SLURP2: variants seen among roughly 807,000 people sequenced by gnomAD.
The protein encoded by SLURP2 is secreted LY6/PLAUR domain containing 2.
SLURP2 carries 4 observed loss-of-function variants against 9.8 expected under a neutral mutation model. The observed-to-expected ratio is 0.41, with a 90% CI of 0.20 to 0.94. The LOEUF (loss-of-function observed/expected upper bound fraction) is 0.94. SLURP2 is among the 40% of genes least tolerant of loss of function. SLURP2 has a pLI of 0.32. For missense variants in SLURP2, 118 were observed against 126.4 expected (o/e 0.93, Z 0.32); for synonymous variants, 58 against 56.2 (o/e 1.03, Z -0.15).
chr8:142,766,932 A>T (rs1815025456), intron 1 of SLURP2, among the ~76,000 whole-genome samples: 1 of 152,188 alleles, frequency 6.6e-6, no homozygotes. Context: ...GCCCAGCCTC[A>T]GGACACAGGA....
At chr8:142,766,849 A>G (rs1413982612) in intron 1 of SLURP2, among the ~76,000 whole-genome samples, 1 of 152,150 alleles carries the variant, frequency 6.6e-6, no homozygotes, top group African/African-American at 2.4e-5. Flanking sequence ...GTGTGGCCAT[A>G]AGGATGTGAG....
chr8:142,768,997 C>T lies in SLURP2; in HGVS notation c.52+758G>A, dbSNP rs761944124. Among the ~76,000 whole-genome samples the T allele has an allele frequency of 2.0e-5, 3 of 151,968 alleles. No individual in the cohort carries two copies. The highest frequency in any genetic ancestry group is 4.4e-5 in the Non-Finnish European group (3 of 67,964). On this transcript the variant is annotated intron_variant, in intron 1 of 2. Transcript: ENST00000317543. The surrounding 1 kb of genome is among the most constrained non-coding windows in gnomAD (Gnocchi z 4.8). ...TGGGCTTGGAGGTGCAGGCCACCGG[C>T]AGATCAAGGGGCCAGCTGGTTTTGT...
chr8:142,769,677 C>A lies in SLURP2; in HGVS notation c.52+78G>T, dbSNP rs1275679685. On this transcript the variant is annotated intron_variant, in intron 1 of 2. Transcript: ENST00000317543. ...GTTCTCCCGAGGTGGGCAGTCACAG[C>A]CCAGGGCTGGAGGGACGGTGGTTGG... The A allele has an allele frequency of 5.8e-6, 8 of 1,378,310 alleles. No homozygotes were observed. In the African/African-American group the frequency reaches 1.0e-4, roughly 17 times the overall value. 85.4% of individuals were successfully genotyped at this position (1,378,310 alleles called of 1,614,324 possible). A position where few individuals can be genotyped will look rare whatever the true frequency, so the allele number is the denominator to read the frequency against.
chr8:142,765,478 GGA>G (rs201423299), intron 1 of SLURP2, among the ~76,000 whole-genome samples: 45,546 of 147,736 alleles, frequency 0.31, 7,081 homozygotes, highest in Non-Finnish European at 0.34. Flanking sequence ...TGGGGGGTGG[GGA>G]GGAGGTGGAG....
chr8:142,768,638 C>A lies in SLURP2; in HGVS notation c.52+1117G>T, dbSNP rs938238916. 6.6e-6 allele frequency among the ~76,000 whole-genome samples: 1 copy of A among 152,136 alleles called. No homozygotes were observed. The highest frequency in any genetic ancestry group is 2.4e-5 in the African/African-American group (1 of 41,422). On this transcript the variant is annotated intron_variant, in intron 1 of 2. Transcript: ENST00000317543. The surrounding 1 kb of genome is among the most constrained non-coding windows in gnomAD (Gnocchi z 4.8). Reference sequence around the variant, plus strand: ...GTGCCATCCCTGGCCTGGATGGCCACCTGACTGCCTGTCCAGTCCTGATGG... The same window carrying A: ...GTGCCATCCCTGGCCTGGATGGCCAACTGACTGCCTGTCCAGTCCTGATGG...
chr8:142,764,829 C>T (rs950956732), intron 2 of SLURP2, 88 bp from the exon 3 acceptor site: 1 of 1,502,710 alleles, frequency 6.7e-7, no homozygotes, highest in Non-Finnish European at 9.2e-7. Context: ...AGCTGAGGGT[C>T]AGACGCCCCA....
chr8:142,769,702 G>A lies in SLURP2; in HGVS notation c.52+53C>T, dbSNP rs376756405. The A allele has an allele frequency of 1.0e-3, 1,565 of 1,534,006 alleles. 22 individuals carry two copies. The South Asian group carries it at 0.016, about 15-fold the overall frequency. On this transcript the variant is annotated intron_variant, in intron 1 of 2. Transcript: ENST00000317543. Reference sequence around the variant, plus strand: ...CCCAGGGCTGGAGGGACGGTGGTTGGGCTAGAGTGATGGGGGCCTTGAGCA... The same window carrying A: ...CCCAGGGCTGGAGGGACGGTGGTTGAGCTAGAGTGATGGGGGCCTTGAGCA...
chr8:142,769,446 A>C (rs1181243154), intron 1 of SLURP2, among the ~76,000 whole-genome samples: 1 of 142,722 alleles, frequency 7.0e-6, no homozygotes, highest in Non-Finnish European at 1.5e-5. Context: ...ACGTGCACGA[A>C]GGTGCGTGTG....
intron 2 of SLURP2, 84 bp from the exon 3 acceptor site, chr8:142,764,825 G>A (rs1814948916): frequency 1.3e-6 from 2 of 1,524,160 alleles, no homozygotes; most frequent in Admixed American, 3.8e-5. Flanking sequence ...ACTGAGCTGA[G>A]GGTCAGACGC....
At position 142,764,362 on chromosome 8, in the gene SLURP2, T is replaced by G; in HGVS notation, c.*243A>C. ...CTTGTACCACACGATCCAATCACAT[T>G]TTATTGTGGGGAGGTCGGGACCTGA... On this transcript the variant is annotated 3_prime_UTR_variant, in exon 3 of 3. Coordinates refer to ENST00000317543, the MANE Select transcript of SLURP2 (RefSeq NM_177458.3). The G allele has an allele frequency of 1.6e-6, 1 of 632,674 alleles. No homozygotes were observed. The highest frequency in any genetic ancestry group is 2.8e-6 in the Non-Finnish European group (1 of 355,178). The allele number at this position is 632,674 out of a possible 1,614,324, so 39.2% of individuals were successfully genotyped here.
At chr8:142,767,501 G>A (rs1470565791) in intron 1 of SLURP2, among the ~76,000 whole-genome samples, 2 of 152,184 alleles carry the variant, frequency 1.3e-5, no homozygotes, top group Non-Finnish European at 2.9e-5. Flanking sequence ...AGGAGGAGGT[G>A]AGGATATGGG....
At chr8:142,767,025 C>G (rs1815027631) in intron 1 of SLURP2, among the ~76,000 whole-genome samples, 1 of 152,232 alleles carries the variant, frequency 6.6e-6, no homozygotes, top group Non-Finnish European at 1.5e-5. Flanking sequence ...GAGTCAGCCC[C>G]AGTCAGTGCC....
intron 1 of SLURP2, among the ~76,000 whole-genome samples, chr8:142,767,667 G>C (rs945844727): frequency 6.6e-6 from 1 of 152,078 alleles, no homozygotes; most frequent in African/African-American, 2.4e-5. Flanking sequence ...AGGCCTCCTT[G>C]GTTTCCAGGG....
Position 142,768,361 on chromosome 8 carries a change from C to T in SLURP2, c.52+1394G>A, listed in dbSNP as rs1435428442. On this transcript the variant is annotated intron_variant, in intron 1 of 2. Coordinates refer to ENST00000317543, the MANE Select transcript of SLURP2 (RefSeq NM_177458.3). This position sits in a 1 kb window ranked among gnomAD's most constrained non-coding sequence, Gnocchi z 4.8. The stretch of plus-strand genomic sequence containing the variant: ...TGCTGGCTCTGAAGCAGGCTGGCCC[C>T]TCGGGGAGATTGTGCTGTCCATGTA... Among the ~76,000 whole-genome samples, 1 of 152,016 alleles carries T rather than the reference C, an allele frequency of 6.6e-6. No homozygotes were observed. Among genetic ancestry groups the T allele is most frequent in the Non-Finnish European group, 1.5e-5 (1 of 67,972 alleles).
At chr8:142,769,599 G>A (rs1013638929) in intron 1 of SLURP2, among the ~76,000 whole-genome samples, 156 bp downstream of exon 1, 1 of 151,370 alleles carries the variant, frequency 6.6e-6, no homozygotes, top group Non-Finnish European at 1.5e-5. Context: ...CAGGATCGCA[G>A]GAGGCTTTCG....
At chr8:142,765,469 G>T (rs890501037) in intron 1 of SLURP2, among the ~76,000 whole-genome samples, 2 of 149,760 alleles carry the variant, frequency 1.3e-5, no homozygotes, top group South Asian at 2.2e-4. Flanking sequence ...GTCCCAGGGT[G>T]GGGGGTGGGG....
intron 1 of SLURP2, chr8:142,766,160 C>G (rs868708814): frequency 2.0e-5 from 3 of 152,270 alleles, no homozygotes; most frequent in Middle Eastern, 6.8e-3. Flanking sequence ...CACCGTTTCT[C>G]TAGTTGTGCA....
At position 142,769,744 on chromosome 8, in the gene SLURP2, C is replaced by G. The variant is rs900724430; in HGVS notation, c.52+11G>C. On this transcript the variant is annotated intron_variant, in intron 1 of 2. Transcript: ENST00000317543. ...CCTTGAGCAGGAGGTGGCCCCAGCC[C>G]CTGGACTCACCCAGCTGCAGGCTCA... is the stretch of plus-strand genomic sequence containing the variant. The G allele has an allele frequency of 1.3e-5, 21 of 1,599,748 alleles. No individual in the cohort carries two copies. Among genetic ancestry groups the G allele is most frequent in the Non-Finnish European group, 1.8e-5 (21 of 1,174,828 alleles).
chr8:142,766,366 TCA>T (rs1815006540), intron 1 of SLURP2: 1 of 151,828 alleles, frequency 6.6e-6, no homozygotes, highest in South Asian at 2.1e-4. Flanking sequence ...TGTTCAGAGC[TCA>T]GTCCTTTGGA....
Sources: gnomAD v4.1 joint callset for allele counts (sites outside exome capture counted in the v4.1 genomes callset) on GRCh38, gnomAD v4.1.1 for gene constraint, Gnocchi (gnomAD v3.1) non-coding constraint, MANE v1.5 for transcripts, NCBI Gene and HGNC (gene_info 2026-07-23, HGNC 2026-07-21) for gene names.